The following EHBP1 variants were observed in gnomAD, a reference collection of about 807,000 sequenced individuals.
The protein encoded by EHBP1 is EH domain binding protein 1.
In EHBP1, 55 loss-of-function variants were observed where a neutral mutation model predicts 144.0. The observed-to-expected ratio is 0.38, with a 90% CI of 0.31 to 0.48. The LOEUF is 0.48. Among genes scored for constraint, EHBP1 ranks in the 20% least tolerant of loss-of-function variants. The pLI is 0.98. For synonymous variants in EHBP1, 469 were observed against 472.7 expected (o/e 0.99, Z 0.10); for missense variants, 1,200 against 1,364.2 (o/e 0.88, Z 1.90).
intron 14 of EHBP1, among the ~76,000 whole-genome samples, chr2:62,973,010 A>G (rs2058563394): frequency 6.6e-6 from 1 of 152,166 alleles, no homozygotes. Flanking sequence ...GTACAAACAA[A>G]CAATTTACAT....
At chr2:62,686,170 A>G (rs2033711896) in intron 1 of EHBP1, among the ~76,000 whole-genome samples, 1 of 152,192 alleles carries the variant, frequency 6.6e-6, no homozygotes, top group Admixed American at 6.5e-5. Context: ...GCCCAGTGTG[A>G]GTGAGGCTTT....
intron 15 of EHBP1, among the ~76,000 whole-genome samples, chr2:62,988,925 C>T (rs2059305115): frequency 6.6e-6 from 1 of 152,084 alleles, no homozygotes; most frequent in African/African-American, 2.4e-5. Flanking sequence ...CATTTCTTTC[C>T]CTGTTGGAAA....
At chr2:62,776,748 T>C (rs963682179) in intron 5 of EHBP1, among the ~76,000 whole-genome samples, 5 of 152,332 alleles carry the variant, frequency 3.3e-5, no homozygotes, top group African/African-American at 1.2e-4. Flanking sequence ...CATTTACTTA[T>C]TAGTGTAGAT....
intron 2 of EHBP1, among the ~76,000 whole-genome samples, chr2:62,742,574 C>G (rs1415605620): frequency 6.6e-6 from 1 of 151,984 alleles, no homozygotes; most frequent in Non-Finnish European, 1.5e-5. Context: ...GTCTGGCCAG[C>G]CCATACTGGA....
At chr2:62,827,631 A>G (rs1655932975) in intron 6 of EHBP1, among the ~76,000 whole-genome samples, 1 of 152,082 alleles carries the variant, frequency 6.6e-6, no homozygotes, top group African/African-American at 2.4e-5. Flanking sequence ...CAGGTTTAAA[A>G]TGTGAGGAAA....
At chr2:62,918,205 T>A (rs2054794501) in intron 10 of EHBP1, among the ~76,000 whole-genome samples, 1 of 152,120 alleles carries the variant, frequency 6.6e-6, no homozygotes. Flanking sequence ...CCTATTGTGT[T>A]TTTTTTCACT....
chr2:62,684,818 GA>G (rs2033663620), intron 1 of EHBP1, among the ~76,000 whole-genome samples: 2 of 152,206 alleles, frequency 1.3e-5, no homozygotes, highest in Non-Finnish European at 2.9e-5. Flanking sequence ...GAGAGGAAAA[GA>G]AAGAGAGAAC....
At chr2:62,991,880 A>G (rs1385720993) in intron 16 of EHBP1, among the ~76,000 whole-genome samples, 1 of 152,264 alleles carries the variant, frequency 6.6e-6, no homozygotes, top group Middle Eastern at 3.4e-3. Context: ...GTCAGTTTCT[A>G]TAAATTGGTG....
chr2:62,858,639 G>C (rs1209339034), intron 7 of EHBP1: 1 of 634,298 alleles, frequency 1.6e-6, no homozygotes, highest in Non-Finnish European at 2.7e-6. Flanking sequence ...TGTTTTCTTT[G>C]GTAATTTGTA....
chr2:62,819,937 G>C (rs759908769), intron 5 of EHBP1, among the ~76,000 whole-genome samples: 1 of 151,932 alleles, frequency 6.6e-6, no homozygotes, highest in Admixed American at 6.6e-5. Context: ...GAGGCTGGGC[G>C]TGGTGGCTCA....
rs772769775 is a variant in EHBP1, at chr2:62,949,181, T to C, written c.2316+19T>C. On this transcript the variant is annotated intron_variant, in intron 13 of 22. Coordinates refer to ENST00000431489, the MANE Select transcript of EHBP1 (RefSeq NM_001142616.3). ...AGTCCAGGTAAGTGAGTTAGAATGC[T>C]GAATACTATATTTAGTAATTAGTTA... 2.6e-6 allele frequency: 4 copies of C among 1,514,306 alleles called. No individual in the cohort carries two copies. The highest frequency in any genetic ancestry group is 2.7e-5 in the South Asian group (2 of 74,424). 93.8% of individuals were successfully genotyped at this position (1,514,306 alleles called of 1,614,324 possible). A position where few individuals can be genotyped will look rare whatever the true frequency, so the allele number is the denominator to read the frequency against.
At chr2:62,780,916 TTC>T (rs2042378548) in intron 5 of EHBP1, among the ~76,000 whole-genome samples, 1 of 148,066 alleles carries the variant, frequency 6.8e-6, no homozygotes, top group Non-Finnish European at 1.5e-5. Context: ...TTGGAGATTA[TTC>T]GTCTTTATTG....
chr2:62,958,239 A>G (rs1329318180), intron 14 of EHBP1, among the ~76,000 whole-genome samples: 2 of 152,198 alleles, frequency 1.3e-5, no homozygotes, highest in Non-Finnish European at 2.9e-5. Flanking sequence ...CTAAAAACAC[A>G]TGGTTATTCG....
chr2:62,968,664 G>A (rs1455852013), intron 14 of EHBP1, among the ~76,000 whole-genome samples: 1 of 151,972 alleles, frequency 6.6e-6, no homozygotes, highest in Non-Finnish European at 1.5e-5. Context: ...TTTTGTTGTT[G>A]GTTTCTTTAC....
intron 18 of EHBP1, 110 bp from the exon 19 acceptor site, chr2:62,996,533 C>T (rs1323728490): frequency 7.3e-7 from 1 of 1,361,888 alleles, no homozygotes; most frequent in Non-Finnish European, 1.0e-6. Flanking sequence ...AAGGGTGATA[C>T]TAACGGTGTA....
At chr2:62,736,430 G>A (rs1371143761) in intron 2 of EHBP1, among the ~76,000 whole-genome samples, 3 of 151,818 alleles carry the variant, frequency 2.0e-5, no homozygotes, top group African/African-American at 7.3e-5. Flanking sequence ...TGCCATGTTG[G>A]CCAGGCTGGT....
chr2:62,874,280 T>C (rs1325297562), intron 9 of EHBP1, 66 bp from the exon 10 acceptor site: 2 of 1,288,762 alleles, frequency 1.6e-6, no homozygotes, highest in East Asian at 5.0e-5. Context: ...GTGCATGTTT[T>C]ATTATTTTAC....
At chr2:62,873,315 A>C (rs542148069) in intron 9 of EHBP1, among the ~76,000 whole-genome samples, 11 of 152,304 alleles carry the variant, frequency 7.2e-5, no homozygotes, top group African/African-American at 2.2e-4. Context: ...CTGAGGTACC[A>C]TACACACAGA....
intron 1 of EHBP1, among the ~76,000 whole-genome samples, chr2:62,679,820 C>T (rs1045686096): frequency 1.3e-5 from 2 of 152,170 alleles, no homozygotes; most frequent in Non-Finnish European, 2.9e-5. Context: ...CCATCACCAA[C>T]AAGGTGTGTT....
Sources: allele counts gnomAD v4.1 joint callset (sites outside exome capture counted in the v4.1 genomes callset), GRCh38; gene constraint gnomAD v4.1.1; transcripts MANE v1.5; gene names NCBI Gene and HGNC (gene_info 2026-07-23, HGNC 2026-07-21).